Variants in VPS13B observed in about 807,000 individuals in gnomAD.
The protein encoded by VPS13B is vacuolar protein sorting 13 homolog B.
In VPS13B, 285 loss-of-function variants were observed where a neutral mutation model predicts 426.4. The ratio of observed to expected loss-of-function variants is 0.67; its 90% CI spans 0.61 to 0.74. The LOEUF is 0.74. VPS13B is among the 30% of genes least tolerant of loss of function. The pLI, the probability that VPS13B is intolerant of heterozygous loss-of-function variation, is 0.00. For synonymous variants in VPS13B, 1,676 were observed against 1,676.4 expected (o/e 1.00, Z 0.01); for missense variants, 4,537 against 4,782.6 (o/e 0.95, Z 1.51).
At chr8:99,775,412 G>A (rs1811691051) in intron 40 of VPS13B, among the ~76,000 whole-genome samples, 1 of 152,154 alleles carries the variant, frequency 6.6e-6, no homozygotes, top group African/African-American at 2.4e-5. Flanking sequence ...TGGGGAAAGG[G>A]CAACATTGAT....
chr8:99,157,791 A>G (rs1168978758), intron 15 of VPS13B, among the ~76,000 whole-genome samples: 2 of 152,220 alleles, frequency 1.3e-5, no homozygotes, highest in Non-Finnish European at 2.9e-5. Context: ...AATTCAAAGG[A>G]AAAGTCTCCA....
intron 33 of VPS13B, among the ~76,000 whole-genome samples, chr8:99,616,366 G>A (rs1210370133): frequency 4.6e-5 from 7 of 152,164 alleles, no homozygotes; most frequent in Admixed American, 6.5e-5. Context: ...AGAAAGGACT[G>A]AAGAGCAGAG....
At chr8:99,289,839 A>G (rs1441356071) in intron 19 of VPS13B, among the ~76,000 whole-genome samples, 1 of 152,134 alleles carries the variant, frequency 6.6e-6, no homozygotes, top group Admixed American at 6.6e-5. Flanking sequence ...TAAAAACAAG[A>G]TTTATTATAA....
Position 99,766,930 on chromosome 8 carries a change from A to G in VPS13B, c.7207A>G (p.Ile2403Val), listed in dbSNP as rs765664729. 5.6e-6 allele frequency: 9 copies of G among 1,613,874 alleles called. No homozygotes were observed. The highest frequency in any genetic ancestry group is 6.8e-6 in the Non-Finnish European group (8 of 1,179,954). The part of the protein sequence containing the change: ...KKLVSSDLWR[I>V]VLNSSQNGAD... Reference sequence around the variant, plus strand: ...ATTAGTATCTTCAGATCTTTGGAGAATTGTCTTGAACAGCAGTCAAAATGG... The same window carrying G: ...ATTAGTATCTTCAGATCTTTGGAGAGTTGTCTTGAACAGCAGTCAAAATGG... The change falls in exon 40 of 62, where the codon ATT (isoleucine) becomes GTT (valine). Residue 2403 changes from isoleucine to valine, a missense_variant. Coordinates refer to ENST00000357162, the MANE Select transcript of VPS13B (RefSeq NM_152564.5).
chr8:99,288,831 A>G (rs1296707006), intron 19 of VPS13B, among the ~76,000 whole-genome samples: 2 of 152,096 alleles, frequency 1.3e-5, no homozygotes, highest in African/African-American at 2.4e-5. Flanking sequence ...CCAGATATTC[A>G]CTTGAAAAAT....
chr8:99,194,564 C>T (rs1005071453), intron 17 of VPS13B, among the ~76,000 whole-genome samples: 4 of 152,188 alleles, frequency 2.6e-5, no homozygotes, highest in African/African-American at 9.6e-5. Context: ...TAATGTCCTC[C>T]AGGTTCAACT....
intron 35 of VPS13B, among the ~76,000 whole-genome samples, chr8:99,691,955 C>T (rs1463546937): frequency 6.6e-6 from 1 of 151,956 alleles, no homozygotes; most frequent in African/African-American, 2.4e-5. Context: ...AAGGCCATTA[C>T]AGAATGGTAA....
chr8:99,219,719 C>T (rs1376843360), intron 17 of VPS13B, among the ~76,000 whole-genome samples: 1 of 152,184 alleles, frequency 6.6e-6, no homozygotes, highest in Non-Finnish European at 1.5e-5. Flanking sequence ...TTAGTTCATC[C>T]ATGAGGGCAG....
At chr8:99,868,533 C>T in intron 59 of VPS13B, 68 bp downstream of exon 59, 1 of 1,543,042 alleles carries the variant, frequency 6.5e-7, no homozygotes, top group East Asian at 2.4e-5. Context: ...ACCAAGGGTT[C>T]CCTAAGATAG....
intron 3 of VPS13B, among the ~76,000 whole-genome samples, chr8:99,040,081 A>G (rs967700804): frequency 2.0e-4 from 30 of 151,966 alleles, no homozygotes; most frequent in Non-Finnish European, 4.0e-4. Context: ...GCAGTGTTCC[A>G]TATTAAAAGA....
At chr8:99,119,981 G>A (rs1847859657) in intron 7 of VPS13B, 1 of 151,912 alleles carries the variant, frequency 6.6e-6, no homozygotes, top group South Asian at 2.1e-4. Flanking sequence ...CCTGCCTCCT[G>A]GATTCAAGTG....
intron 23 of VPS13B, among the ~76,000 whole-genome samples, chr8:99,464,946 C>A (rs919734237): frequency 6.6e-6 from 1 of 152,014 alleles, no homozygotes; most frequent in Non-Finnish European, 1.5e-5. Context: ...AATCTTCCTG[C>A]CTTGTTCTTT....
chr8:99,185,979 C>T (rs917660524), intron 16 of VPS13B, among the ~76,000 whole-genome samples: 28 of 152,038 alleles, frequency 1.8e-4, no homozygotes, highest in African/African-American at 6.0e-4. Flanking sequence ...GTTTCTATTT[C>T]CTTTAATTTA....
At chr8:99,129,802 A>G (rs1369045461) in intron 8 of VPS13B, among the ~76,000 whole-genome samples, 1 of 152,200 alleles carries the variant, frequency 6.6e-6, no homozygotes, top group Non-Finnish European at 1.5e-5. Context: ...ATTCAACGGA[A>G]TCAGTCAAAA....
chr8:99,163,373 C>T (rs1378081244), intron 15 of VPS13B, among the ~76,000 whole-genome samples: 2 of 152,232 alleles, frequency 1.3e-5, no homozygotes, highest in Non-Finnish European at 2.9e-5. Context: ...GGTGGAGCTG[C>T]CTGCCAGTCC....
chr8:99,170,218 A>G (rs1812247131), intron 16 of VPS13B, 55 bp downstream of exon 16: 5 of 1,588,260 alleles, frequency 3.1e-6, no homozygotes, highest in Admixed American at 1.7e-5. Flanking sequence ...ATTAGGAGGG[A>G]AAAAACCCCC....
intron 19 of VPS13B, among the ~76,000 whole-genome samples, chr8:99,359,862 A>G (rs1213294341): frequency 6.6e-6 from 1 of 152,076 alleles, no homozygotes; most frequent in East Asian, 1.9e-4. Context: ...GAGTGCAGTG[A>G]TAAGATCTTG....
At chr8:99,579,592 G>T (rs530887408) in intron 33 of VPS13B, among the ~76,000 whole-genome samples, 1 of 151,406 alleles carries the variant, frequency 6.6e-6, no homozygotes, top group African/African-American at 2.4e-5. Context: ...TAGAGACGGG[G>T]TTTCACCATG....
chr8:99,152,798 A>G (rs1811141832), intron 14 of VPS13B, among the ~76,000 whole-genome samples: 1 of 152,214 alleles, frequency 6.6e-6, no homozygotes, highest in Admixed American at 6.5e-5. Context: ...TGAAATTAAT[A>G]TAGCCACTCC....
Sources: gnomAD v4.1 joint callset for allele counts (sites outside exome capture counted in the v4.1 genomes callset) on GRCh38, gnomAD v4.1.1 for gene constraint, MANE v1.5 for transcripts, NCBI Gene and HGNC (gene_info 2026-07-23, HGNC 2026-07-21) for gene names.